Variants in POLA1 observed in about 807,000 individuals in gnomAD.
POLA1 encodes DNA polymerase alpha 1, catalytic subunit, also known as DNA polymerase alpha catalytic subunit.
POLA1 carries 15 observed loss-of-function variants against 124.0 expected under a neutral mutation model. The observed-to-expected ratio is 0.12, with a 90% CI of 0.08 to 0.19. The LOEUF is 0.19. POLA1 is among the 10% of genes least tolerant of loss of function. The pLI is 1.00. For missense variants in POLA1, 886 were observed against 1,103.4 expected (o/e 0.80, Z 2.79); for synonymous variants, 408 against 389.4 (o/e 1.05, Z -0.56).
intron 4 of POLA1, among the ~76,000 whole-genome samples, chrX:24,713,460 A>G (rs1024259918): frequency 2.3e-4 from 25 of 110,945 alleles, no homozygotes; most frequent in South Asian, 1.9e-3. Context: ...CTCTGTTGCC[A>G]GGCTGGAGTG....
intron 26 of POLA1, among the ~76,000 whole-genome samples, chrX:24,760,573 A>G (rs1372132780): frequency 8.9e-6 from 1 of 112,277 alleles, no homozygotes; most frequent in Non-Finnish European, 1.9e-5. Flanking sequence ...TTAAAGACAC[A>G]TCCCTGTCAA....
At chrX:24,913,802 C>T (rs1023924475) in intron 35 of POLA1, among the ~76,000 whole-genome samples, 4 of 109,625 alleles carry the variant, frequency 3.6e-5, no homozygotes, top group South Asian at 3.9e-4. Context: ...CCGAGGCAGG[C>T]GGATCACCCA....
intron 36 of POLA1, among the ~76,000 whole-genome samples, chrX:24,995,220 C>T (rs1385850075): frequency 9.0e-6 from 1 of 111,613 alleles, no homozygotes; most frequent in Non-Finnish European, 1.9e-5. Context: ...TGAGTTCACA[C>T]AGTGTGGACA....
chrX:24,874,364 T>G (rs1471082990), intron 34 of POLA1, among the ~76,000 whole-genome samples: 1 of 112,032 alleles, frequency 8.9e-6, no homozygotes, highest in African/African-American at 3.2e-5. Flanking sequence ...TATTAAGCTA[T>G]GTACATGATG....
At chrX:24,703,794 A>G (rs1231225902) in intron 3 of POLA1, among the ~76,000 whole-genome samples, 1 of 111,802 alleles carries the variant, frequency 8.9e-6, no homozygotes, top group Non-Finnish European at 1.9e-5. Context: ...CTTCTCCCAG[A>G]GTTGTGAGGT....
rs755034241 is a variant in POLA1 at position 24,748,489 on chromosome X, G to A, written c.2841+29G>A. 4.5e-6 allele frequency: 5 copies of A among 1,108,390 alleles called. No individual in the cohort carries two copies. The East Asian group carries it at 1.2e-4, about 27-fold the overall frequency. 91.3% of individuals were successfully genotyped at this position (1,108,390 alleles called of 1,213,427 possible). Reference sequence around the variant, plus strand: ...TATCTTTTCACTAAGAAACATTTGAGTGACAGTCTCAGCTTTTACAGTTTG... The same window carrying A: ...TATCTTTTCACTAAGAAACATTTGAATGACAGTCTCAGCTTTTACAGTTTG... On this transcript the variant is annotated intron_variant, in intron 25 of 36. Transcript: ENST00000379068.
chrX:24,908,630 A>G (rs1441054103), intron 35 of POLA1, among the ~76,000 whole-genome samples: 1 of 110,780 alleles, frequency 9.0e-6, no homozygotes, highest in African/African-American at 3.3e-5. Flanking sequence ...AATCCAGTCT[A>G]TCATTGTTAG....
intron 35 of POLA1, among the ~76,000 whole-genome samples, chrX:24,929,619 G>A (rs2047744586): frequency 8.9e-6 from 1 of 112,012 alleles, no homozygotes; most frequent in Non-Finnish European, 1.9e-5. Context: ...TAGGTCAGTT[G>A]ATTTAAAATA....
chrX:24,754,035 A>C (rs970768916), intron 26 of POLA1, among the ~76,000 whole-genome samples: 1 of 111,408 alleles, frequency 9.0e-6, no homozygotes, highest in Non-Finnish European at 1.9e-5. Context: ...AATCTTGGCA[A>C]GCCTTTCTGG....
At chrX:24,703,966 G>A (rs1473159925) in intron 3 of POLA1, among the ~76,000 whole-genome samples, 1 of 112,010 alleles carries the variant, frequency 8.9e-6, no homozygotes, top group Non-Finnish European at 1.9e-5. Context: ...CATGTAGATT[G>A]TGCCTGTGAC....
chrX:24,703,417 C>A, intron 3 of POLA1, 70 bp downstream of exon 3: 1 of 737,644 alleles, frequency 1.4e-6, no homozygotes, highest in Non-Finnish European at 2.1e-6. Flanking sequence ...CTTGTAGATT[C>A]TCACTCATGT....
intron 10 of POLA1, 47 bp from the exon 11 acceptor site, chrX:24,723,108 T>C: frequency 1.1e-6 from 1 of 899,588 alleles, no homozygotes; most frequent in Non-Finnish European, 1.6e-6. Flanking sequence ...TTTAATTAGG[T>C]GAAATTGAAA....
chrX:24,866,074 T>G (rs1473624354), intron 34 of POLA1, among the ~76,000 whole-genome samples: 1 of 111,868 alleles, frequency 8.9e-6, no homozygotes, highest in African/African-American at 3.2e-5. Context: ...CCATAATGCA[T>G]TTTCCCATAT....
At position 24,855,950 on chromosome X, in the gene POLA1, AT is replaced by A. The variant is rs2046639676; in HGVS notation, c.4047+12276del. Reference sequence around the variant, plus strand: ...TGTGTTCTTCAAGGATCAGCTGTATATTTACTACTATCGCTTTCTAGAAATT... The same window carrying A: ...TGTGTTCTTCAAGGATCAGCTGTATATTACTACTATCGCTTTCTAGAAATT... On this transcript the variant is annotated intron_variant, in intron 34 of 36. Transcript: ENST00000379068. 2.7e-5 allele frequency among the ~76,000 whole-genome samples: 3 copies of A among 112,284 alleles called. No homozygotes were observed. In the South Asian group the frequency reaches 1.1e-3, roughly 41 times the overall value.
At chrX:24,781,632 A>G (rs1028473072) in intron 26 of POLA1, among the ~76,000 whole-genome samples, 2 of 111,763 alleles carry the variant, frequency 1.8e-5, no homozygotes, top group African/African-American at 3.3e-5. Context: ...TGTCACTTTA[A>G]AAAGTGAGCT....
rs951091721 is a variant in POLA1, at chrX:24,717,340, A to G, written c.757A>G (p.Met253Val). The G allele has an allele frequency of 5.0e-6, 6 of 1,210,014 alleles. No individual in the cohort carries two copies. Among genetic ancestry groups the G allele is most frequent in the Admixed American group, 4.4e-5 (2 of 45,977 alleles). ...STEEEQESGA[M>V]EFEDGDFDEP... ...AGAAGAAGAGCAGGAGTCAGGGGCA[A>G]TGGAGTTTGAAGATGGTGACTTTGA... Residue 253 changes from methionine to valine, a missense_variant, in exon 9 of 37, where the codon ATG becomes GTG. Physicochemically the swap from Met to Val is conservative, Grantham distance 21. Transcript: ENST00000379068.
intron 36 of POLA1, among the ~76,000 whole-genome samples, chrX:24,952,568 G>A (rs1233651269): frequency 8.9e-6 from 1 of 112,338 alleles, no homozygotes; most frequent in Non-Finnish European, 1.9e-5. Context: ...TTTGTTCAGT[G>A]CTGATAGAAG....
chrX:24,826,670 G>A, intron 32 of POLA1, 69 bp downstream of exon 32: 1 of 688,937 alleles, frequency 1.5e-6, no homozygotes, highest in Non-Finnish European at 2.2e-6. Context: ...CTTGTCTCTT[G>A]AGATCTCTGC....
At chrX:24,789,177 A>G in intron 26 of POLA1, 1 of 681,699 alleles carries the variant, frequency 1.5e-6, no homozygotes, top group Non-Finnish European at 2.3e-6. Flanking sequence ...GGCAAGAGAA[A>G]AAAGTAAAAG....
Sources: gnomAD v4.1 joint callset for allele counts (sites outside exome capture counted in the v4.1 genomes callset) on GRCh38, gnomAD v4.1.1 for gene constraint, MANE v1.5 for transcripts, NCBI Gene and HGNC (gene_info 2026-07-23, HGNC 2026-07-21) for gene names.